The following ZNF48 variants were observed in gnomAD, a reference collection of about 807,000 sequenced individuals.
ZNF48 encodes the protein zinc finger protein 553.
A neutral mutation model predicts 40.0 loss-of-function variants in ZNF48; 20 were observed. The observed-to-expected ratio is 0.50, with a 90% confidence interval of 0.35 to 0.73. The LOEUF is 0.73. Among genes scored for constraint, ZNF48 ranks in the 30% least tolerant of loss-of-function variants. The probability of loss-of-function intolerance (pLI) is 0.01; values close to 1 mark genes in which losing one functional copy is unlikely to be tolerated. For synonymous variants in ZNF48, 298 were observed against 329.7 expected (o/e 0.90, Z 1.04); for missense variants, 726 against 851.9 (o/e 0.85, Z 1.84).
At position 30,399,124 on chromosome 16, in the gene ZNF48, C is replaced by T. The variant is rs4788413; in HGVS notation, c.*17C>T. The T allele has an allele frequency of 0.68, 1,049,690 of 1,538,496 alleles. 362,735 individuals are homozygous for T. The highest frequency in any genetic ancestry group is 0.9 in the African/African-American group (66,136 of 73,088). ...CTGGAATGACGCGGTCCAGGGAGGG[C>T]GGAGGCCCAGGAGACCAAAGGGAGG... is the stretch of plus-strand genomic sequence containing the variant. On this transcript the variant is annotated 3_prime_UTR_variant, in exon 3 of 3. Coordinates refer to ENST00000613509, the MANE Select transcript of ZNF48 (RefSeq NM_001214909.2).
Position 30,382,945 on chromosome 16 carries a change from G to A in ZNF48, c.-16+4535G>A, listed in dbSNP as rs2049870696. The A allele has an allele frequency of 2.9e-6, 2 of 690,302 alleles. No individual in the cohort carries two copies. Among genetic ancestry groups the A allele is most frequent in the Non-Finnish European group, 5.1e-6 (2 of 390,262 alleles). The allele number at this position is 690,302 out of a possible 1,614,324, so 42.8% of individuals were successfully genotyped here. On this transcript the variant is annotated intron_variant, in intron 1 of 2. Coordinates refer to the ZNF48 transcript ENST00000528032. This position sits in a 1 kb window ranked among gnomAD's most constrained non-coding sequence, Gnocchi z 4.8. ...TCTCAGCACTTTGGGAGGCGGAGGA[G>A]GGAGGACAGCTTGAGCCAAGGAGTT...
intron 1 of ZNF48, chr16:30,378,691 G>A (rs1450453197): frequency 1.9e-6 from 3 of 1,608,026 alleles, no homozygotes; most frequent in Non-Finnish European, 2.5e-6. Flanking sequence ...CGCTCTGGCG[G>A]GAAAGCTTAC....
At chr16:30,389,830 T>TTTTTTG (rs2049929071) in intron 1 of ZNF48, among the ~76,000 whole-genome samples, 1 of 107,684 alleles carries the variant, frequency 9.3e-6, no homozygotes, top group Non-Finnish European at 1.8e-5. Flanking sequence ...TTTTTTTTTT[T>TTTTTTG]TTTTTTTTTT....
chr16:30,395,273 G>T (rs1424040636), upstream of ZNF48: 1 of 456,100 alleles, frequency 2.2e-6, no homozygotes, highest in Non-Finnish European at 4.4e-6. The surrounding 1 kb of genome is among the most constrained non-coding windows in gnomAD (Gnocchi z 5.9). Context: ...AGTTCGGGCC[G>T]CCGGCCTCGG....
At chr16:30,385,794 G>A (rs1450767068) in intron 1 of ZNF48, among the ~76,000 whole-genome samples, 2 of 150,832 alleles carry the variant, frequency 1.3e-5, no homozygotes, top group Non-Finnish European at 2.9e-5. Flanking sequence ...TCTTCTCTGA[G>A]TTATTCAACA....
rs780061738 is a variant in ZNF48, at chr16:30,382,731, G to T, written c.-16+4321G>T. On this transcript the variant is annotated intron_variant, in intron 1 of 2. Coordinates refer to the ZNF48 transcript ENST00000528032. This position sits in a 1 kb window ranked among gnomAD's most constrained non-coding sequence, Gnocchi z 4.8. ...ACCCCTTTGCCCATCACCTGTCTAC[G>T]TACCTTCAACCCTCCATCCTTCACA... 2 of 1,536,112 alleles carry T rather than the reference G, an allele frequency of 1.3e-6. No homozygotes were observed. Among genetic ancestry groups the T allele is most frequent in the African/African-American group, 1.4e-5 (1 of 73,152 alleles).
intron 1 of ZNF48, among the ~76,000 whole-genome samples, chr16:30,383,336 C>T (rs1313290197): frequency 6.6e-6 from 1 of 152,154 alleles, no homozygotes; most frequent in African/African-American, 2.4e-5. Context: ...CTACAGGCAC[C>T]TGCTACCGCG....
chr16:30,396,970 G>GT (rs1237955569), intron 2 of ZNF48, among the ~76,000 whole-genome samples: 1 of 152,068 alleles, frequency 6.6e-6, no homozygotes, highest in African/African-American at 2.4e-5. Context: ...AGGATTACAG[G>GT]TGTGAGCCAC....
At chr16:30,395,328 G>A (rs993349702), upstream of ZNF48, 3 of 453,348 alleles carry the variant, frequency 6.6e-6, no homozygotes, top group Non-Finnish European at 8.9e-6. The surrounding 1 kb of genome is among the most constrained non-coding windows in gnomAD (Gnocchi z 5.9). Flanking sequence ...GCCGGCCACA[G>A]AGCTACCGCC....
rs568418692 is a variant in ZNF48, at chr16:30,382,896, G to A, written c.-16+4486G>A. On this transcript the variant is annotated intron_variant, in intron 1 of 2. Coordinates refer to the ZNF48 transcript ENST00000528032. This position sits in a 1 kb window ranked among gnomAD's most constrained non-coding sequence, Gnocchi z 4.8. The stretch of plus-strand genomic sequence containing the variant: ...CTGATTAGAAAACAGTTCCCAGGAC[G>A]GGCAAGGTGGCTCTCGCCTGTAATC... 9.4e-4 allele frequency: 957 copies of A among 1,022,986 alleles called. 7 individuals carry two copies. Among genetic ancestry groups the A allele is most frequent in the Middle Eastern group, 6.4e-3 (32 of 4,974 alleles). 63.4% of individuals were successfully genotyped at this position (1,022,986 alleles called of 1,614,324 possible). A position where few individuals can be genotyped will look rare whatever the true frequency, so the allele number is the denominator to read the frequency against.
intron 1 of ZNF48, chr16:30,383,032 A>G (rs2049871510): frequency 1.9e-6 from 1 of 539,910 alleles, no homozygotes; most frequent in South Asian, 2.0e-5. Flanking sequence ...ACATTAAAAA[A>G]TTAGCCAGGC....
Position 30,379,342 on chromosome 16 carries a change from C to T in ZNF48, c.-16+932C>T, listed in dbSNP as rs1329740682. 17 of 1,426,212 alleles carry T rather than the reference C, an allele frequency of 1.2e-5. No individual in the cohort carries two copies. In the East Asian group the frequency reaches 3.9e-4, roughly 33 times the overall value. The allele number at this position is 1,426,212 out of a possible 1,614,324, so 88.3% of individuals were successfully genotyped here. On this transcript the variant is annotated intron_variant, in intron 1 of 2. Transcript: ENST00000528032. Reference sequence around the variant, plus strand: ...CTTTCCTCCTAGGATCCCCTGGGACCAAAGCCCACCCCAACTTCACATGTT... The same window carrying T: ...CTTTCCTCCTAGGATCCCCTGGGACTAAAGCCCACCCCAACTTCACATGTT...
In ZNF48 at chr16:30,382,057, G is replaced by C; in HGVS notation, c.-16+3647G>C. 6.3e-7 allele frequency: 1 copy of C among 1,581,962 alleles called. No homozygotes were observed. Among genetic ancestry groups the C allele is most frequent in the Non-Finnish European group, 8.6e-7 (1 of 1,162,300 alleles). ...AAGACTAGGGTGTAACCTGGGGACA[G>C]GGGCTACTGCCTCAAGAGGGTGGGG... On this transcript the variant is annotated intron_variant, in intron 1 of 2. Transcript: ENST00000528032. This position sits in a 1 kb window ranked among gnomAD's most constrained non-coding sequence, Gnocchi z 4.8.
Position 30,382,708 on chromosome 16 carries a change from C to G in ZNF48, c.-16+4298C>G. On this transcript the variant is annotated intron_variant, in intron 1 of 2. Coordinates refer to the ZNF48 transcript ENST00000528032. The surrounding 1 kb of genome is among the most constrained non-coding windows in gnomAD (Gnocchi z 4.8). The stretch of plus-strand genomic sequence containing the variant: ...CACTTGGGGTTGCCACCTCCTGGAC[C>G]CCTTTGCCCATCACCTGTCTACGTA... 6.5e-7 allele frequency: 1 copy of G among 1,534,524 alleles called. No homozygotes were observed. The highest frequency in any genetic ancestry group is 8.7e-7 in the Non-Finnish European group (1 of 1,144,598).
Position 30,398,242 on chromosome 16 carries a change from A to AC in ZNF48, c.994dup (p.Leu332ProfsTer91). 1 of 1,613,526 alleles carries AC rather than the reference A, an allele frequency of 6.2e-7. No homozygotes were observed. The highest frequency in any genetic ancestry group is 8.5e-7 in the Non-Finnish European group (1 of 1,179,998). ...CGGGTGCACACGGGTGAGAAGCCCT[A>AC]CCTCTGCCCAGAGTGCGGCAAAGGT... On this transcript the variant is annotated frameshift_variant, in exon 3 of 3. Transcript: ENST00000613509. LOFTEE classifies it high-confidence loss of function. This position sits in a 1 kb window ranked among gnomAD's most constrained non-coding sequence, Gnocchi z 6.6.
upstream of ZNF48, among the ~76,000 whole-genome samples, chr16:30,390,760 AC>A (rs1333975994): frequency 6.6e-6 from 1 of 151,488 alleles, no homozygotes; most frequent in East Asian, 1.9e-4. Context: ...AGCTGGGACT[AC>A]AGGCGCCCGC....
chr16:30,383,003 C>T (rs2049871243), intron 1 of ZNF48: 1 of 589,624 alleles, frequency 1.7e-6, no homozygotes, highest in Non-Finnish European at 3.0e-6. Flanking sequence ...GGGACGTGCC[C>T]CTCTACCATC....
At position 30,381,799 on chromosome 16, in the gene ZNF48, T is replaced by C; in HGVS notation, c.-16+3389T>C. On this transcript the variant is annotated intron_variant, in intron 1 of 2. Coordinates refer to the ZNF48 transcript ENST00000528032. The surrounding 1 kb of genome is among the most constrained non-coding windows in gnomAD (Gnocchi z 4.3). Reference sequence around the variant, plus strand: ...CACTGAGTCCCCAAAGCCAGGTGTGTCCACAAGGGTCAGCTTCACTTTCAC... The same window carrying C: ...CACTGAGTCCCCAAAGCCAGGTGTGCCCACAAGGGTCAGCTTCACTTTCAC... 6.2e-7 allele frequency: 1 copy of C among 1,614,082 alleles called. No homozygotes were observed. The highest frequency in any genetic ancestry group is 1.3e-5 in the African/African-American group (1 of 75,014).
chr16:30,388,884 ACT>A (rs1229626815), intron 1 of ZNF48, among the ~76,000 whole-genome samples: 1 of 151,938 alleles, frequency 6.6e-6, no homozygotes, highest in East Asian at 1.9e-4. Context: ...ACGGAGTAAG[ACT>A]CTATCTCAAA....
Sources: allele counts gnomAD v4.1 joint callset (sites outside exome capture counted in the v4.1 genomes callset), GRCh38; gene constraint gnomAD v4.1.1; non-coding constraint Gnocchi (gnomAD v3.1); transcripts MANE v1.5; gene names NCBI Gene and HGNC (gene_info 2026-07-23, HGNC 2026-07-21).